CNTNAP2: variants seen among roughly 807,000 people sequenced by gnomAD.
CNTNAP2 encodes the protein contactin associated protein 2.
CNTNAP2 carries 98 observed loss-of-function variants against 155.2 expected under a neutral mutation model. That is an observed-to-expected ratio of 0.63 (90% confidence interval 0.54 to 0.75). The LOEUF is 0.75. Ranked by LOEUF, CNTNAP2 falls within the 30% of genes least tolerant of loss-of-function variation. The probability of loss-of-function intolerance (pLI) is 0.00; values close to 1 mark genes in which losing one functional copy is unlikely to be tolerated. For synonymous variants in CNTNAP2, 651 were observed against 631.2 expected, an observed-to-expected ratio of 1.03 and a Z score of -0.47; for missense variants, 1,727 against 1,688.1, an observed-to-expected ratio of 1.02 and a Z score of -0.40.
intron 1 of CNTNAP2, among the ~76,000 whole-genome samples, chr7:146,655,449 T>C (rs1398916490): frequency 6.7e-6 from 1 of 149,906 alleles, no homozygotes; most frequent in Non-Finnish European, 1.5e-5. Flanking sequence ...GAAAAATATA[T>C]CTTTATTTTC....
chr7:147,222,816 T>G (rs868472967), intron 8 of CNTNAP2, among the ~76,000 whole-genome samples: 1 of 148,864 alleles, frequency 6.7e-6, no homozygotes, highest in Non-Finnish European at 1.5e-5. Context: ...TCAGGGTTTT[T>G]TTTTTTTTTT....
At chr7:148,172,699 T>C (rs1222670135) in intron 18 of CNTNAP2, among the ~76,000 whole-genome samples, 3 of 152,186 alleles carry the variant, frequency 2.0e-5, no homozygotes, top group African/African-American at 7.2e-5. Context: ...CAGAATTTCT[T>C]CCAGATTCTA....
intron 13 of CNTNAP2, among the ~76,000 whole-genome samples, chr7:147,655,320 A>C (rs1795509431): frequency 6.7e-6 from 1 of 149,510 alleles, no homozygotes; most frequent in African/African-American, 2.5e-5. Context: ...ATGGGGTTTT[A>C]TCGTGTTTGC....
intron 1 of CNTNAP2, among the ~76,000 whole-genome samples, chr7:146,641,300 T>C (rs1048150687): frequency 1.3e-5 from 2 of 152,148 alleles, no homozygotes; most frequent in Admixed American, 6.5e-5. Context: ...CACTCCAGCC[T>C]GAGGAACAGA....
At chr7:147,010,714 A>G (rs1798607435) in intron 3 of CNTNAP2, among the ~76,000 whole-genome samples, 1 of 152,170 alleles carries the variant, frequency 6.6e-6, no homozygotes, top group Non-Finnish European at 1.5e-5. Context: ...TTTTTCTTGT[A>G]GAAGAGTACC....
chr7:147,291,450 A>G (rs1805310212), intron 8 of CNTNAP2, among the ~76,000 whole-genome samples: 1 of 152,230 alleles, frequency 6.6e-6, no homozygotes, highest in Non-Finnish European at 1.5e-5. Flanking sequence ...AAAACACAAT[A>G]TTTTAAAAAT....
chr7:147,998,587 G>A (rs73466115), intron 15 of CNTNAP2, among the ~76,000 whole-genome samples: 9,942 of 152,274 alleles, frequency 0.065, 733 homozygotes, highest in African/African-American at 0.18. Flanking sequence ...GCAAAGCAAA[G>A]AGAATGAGTA....
In CNTNAP2 at chr7:147,179,219, G is replaced by T. The variant is rs542120021; in HGVS notation, c.1348+46710G>T. On this transcript the variant is annotated intron_variant, in intron 8 of 23. Transcript: ENST00000361727. ...ATTATATATCAAACTTGGAATAACA[G>T]CAAAAGGTTCTTCAATTTTAAGAAA... 7.2e-5 allele frequency among the ~76,000 whole-genome samples: 11 copies of T among 152,230 alleles called. No homozygotes were observed. The South Asian group carries it at 2.3e-3, about 32-fold the overall frequency.
chr7:146,997,801 A>G (rs1214520752), intron 3 of CNTNAP2, among the ~76,000 whole-genome samples: 1 of 151,990 alleles, frequency 6.6e-6, no homozygotes, highest in African/African-American at 2.4e-5. Flanking sequence ...TTCAGAATTT[A>G]TTGATTTCTC....
At chr7:146,283,364 T>G (rs1156715618) in intron 1 of CNTNAP2, among the ~76,000 whole-genome samples, 1 of 152,112 alleles carries the variant, frequency 6.6e-6, no homozygotes, top group African/African-American at 2.4e-5. Context: ...AGTGGTTCTG[T>G]TTTTCGTTTT....
intron 10 of CNTNAP2, among the ~76,000 whole-genome samples, chr7:147,453,015 AAAG>A (rs922609541): frequency 6.6e-6 from 1 of 152,010 alleles, no homozygotes; most frequent in African/African-American, 2.4e-5. Flanking sequence ...AAGGAAGAAA[AAAG>A]AGAAAGGGAA....
chr7:148,200,262 C>T (rs1795347165), intron 18 of CNTNAP2, among the ~76,000 whole-genome samples: 1 of 152,174 alleles, frequency 6.6e-6, no homozygotes, highest in African/African-American at 2.4e-5. Flanking sequence ...ACATAGATTA[C>T]ATGTTGATAA....
rs149176997 is a variant in CNTNAP2 at position 146,498,200 on chromosome 7, G to T, written c.98-276071G>T. Among the ~76,000 whole-genome samples the T allele has an allele frequency of 7.5e-3, 1,136 of 152,250 alleles. 7 individuals are homozygous for T. Among genetic ancestry groups the T allele is most frequent in the Middle Eastern group, 0.021 (6 of 292 alleles). On this transcript the variant is annotated intron_variant, in intron 1 of 23. Transcript: ENST00000361727. The stretch of plus-strand genomic sequence containing the variant: ...AAGAAGAAGGATTTGGAAATTTAAA[G>T]ATGGGAAAGGATATCTGAGGAGGAA...
chr7:146,321,481 ACCTTCCT>A (rs1451399295), intron 1 of CNTNAP2, among the ~76,000 whole-genome samples: 2 of 152,058 alleles, frequency 1.3e-5, no homozygotes, highest in African/African-American at 4.8e-5. Context: ...CTGAGCTTGC[ACCTTCCT>A]CCACACTGAG....
At chr7:146,586,304 C>G (rs1026984467) in intron 1 of CNTNAP2, among the ~76,000 whole-genome samples, 3 of 151,812 alleles carry the variant, frequency 2.0e-5, no homozygotes, top group Non-Finnish European at 4.4e-5. Context: ...ATACATGTGG[C>G]CTTTCTTTGT....
chr7:147,215,416 T>C (rs1803245987), intron 8 of CNTNAP2, among the ~76,000 whole-genome samples: 1 of 152,218 alleles, frequency 6.6e-6, no homozygotes, highest in Non-Finnish European at 1.5e-5. Context: ...TAGTTTAGCC[T>C]TGTCCATAGT....
At chr7:146,522,020 A>G (rs801968) in intron 1 of CNTNAP2, among the ~76,000 whole-genome samples, 1 of 151,982 alleles carries the variant, frequency 6.6e-6, no homozygotes, top group Non-Finnish European at 1.5e-5. Context: ...ATTTTGCTTA[A>G]TGGAGCACAT....
chr7:147,556,495 G>T (rs959462177), intron 11 of CNTNAP2, among the ~76,000 whole-genome samples: 3 of 152,064 alleles, frequency 2.0e-5, no homozygotes, highest in Non-Finnish European at 4.4e-5. Flanking sequence ...GGATTATCTG[G>T]GTGGCTTTGT....
chr7:147,728,957 G>A lies in CNTNAP2; in HGVS notation c.2098+89651G>A, dbSNP rs1180180427. ...TAGAAAAAGAACAAATCAAATTTAA[G>A]TAAACAAGGATGAAAGGAAAATTAT... On this transcript the variant is annotated intron_variant, in intron 13 of 23. Transcript: ENST00000361727. 2.0e-5 allele frequency among the ~76,000 whole-genome samples: 3 copies of A among 150,318 alleles called. No homozygotes were observed. The East Asian group carries it at 5.8e-4, about 29-fold the overall frequency.
Sources: gnomAD v4.1 joint callset for allele counts (sites outside exome capture counted in the v4.1 genomes callset) on GRCh38, gnomAD v4.1.1 for gene constraint, MANE v1.5 for transcripts, NCBI Gene and HGNC (gene_info 2026-07-23, HGNC 2026-07-21) for gene names.